The following TEX2 variants were observed in gnomAD, a reference collection of about 807,000 sequenced individuals.
TEX2 encodes the protein testis-expressed protein 2.
TEX2 carries 53 observed loss-of-function variants against 106.9 expected under a neutral mutation model. That is an observed-to-expected ratio of 0.50 (90% CI 0.40 to 0.62). TEX2 has a LOEUF of 0.62. Ranked by LOEUF, TEX2 falls within the 20% of genes least tolerant of loss-of-function variation. The pLI, the probability that TEX2 is intolerant of heterozygous loss-of-function variation, is 0.00. For synonymous variants in TEX2, 523 were observed against 534.8 expected (o/e 0.98, Z 0.30); for missense variants, 1,207 against 1,379.0 (o/e 0.88, Z 1.98).
chr17:64,172,453 G>A (rs1053379459), intron 6 of TEX2, among the ~76,000 whole-genome samples: 3 of 152,048 alleles, frequency 2.0e-5, no homozygotes, highest in African/African-American at 7.2e-5. Flanking sequence ...GTTGGTCTGC[G>A]TGAACTGTGC....
intron 1 of TEX2, among the ~76,000 whole-genome samples, chr17:64,255,126 A>G (rs1348281704): frequency 1.3e-5 from 2 of 151,114 alleles, no homozygotes; most frequent in African/African-American, 4.9e-5. Flanking sequence ...CGGTCTCCCA[A>G]AGTGCTGGGA....
At position 64,213,395 on chromosome 17, in the gene TEX2, G is replaced by A. The variant is rs782097534; in HGVS notation, c.823C>T (p.Arg275Cys). ...ATTTCGGGCACTTTAAAAAAGGAAC[G>A]AGTATCAGAGGGAGAAGTCAGTGGG... ...SSPLTSPSDTRSFFKVPEMEA... is the reference protein window; with the variant it reads ...SSPLTSPSDTCSFFKVPEMEA... Residue 275 changes from arginine (R) to cysteine (C), a missense_variant, in exon 2 of 12, where the codon CGT becomes TGT. Physicochemically the swap from Arg to Cys is radical, Grantham distance 180 (BLOSUM62 -3). Around this residue, in one of 3 missense-constraint regions of TEX2, gnomAD observed 1,067 missense variants for 1,193.6 expected, o/e 0.89. Coordinates refer to ENST00000584379, the MANE Select transcript of TEX2 (RefSeq NM_001288732.2). The surrounding 1 kb of genome is among the most constrained non-coding windows in gnomAD (Gnocchi z 4.4). 1.5e-5 allele frequency: 25 copies of A among 1,613,888 alleles called. No homozygotes were observed. Among genetic ancestry groups the A allele is most frequent in the African/African-American group, 9.3e-5 (7 of 74,902 alleles).
intron 1 of TEX2, among the ~76,000 whole-genome samples, chr17:64,237,566 G>C (rs1032696291): frequency 1.3e-5 from 2 of 152,144 alleles, no homozygotes; most frequent in East Asian, 1.9e-4. Context: ...ATGGCAGCCC[G>C]GACTAGCGGG....
intron 8 of TEX2, chr17:64,155,880 C>T (rs1334525096): frequency 6.6e-6 from 1 of 152,338 alleles, no homozygotes; most frequent in African/African-American, 2.4e-5. Context: ...GGCTTTGCTT[C>T]AGAAAGTACT....
At chr17:64,193,430 A>G in intron 4 of TEX2, 129 bp downstream of exon 4, 1 of 704,412 alleles carries the variant, frequency 1.4e-6, no homozygotes, top group East Asian at 2.9e-5. Context: ...GAGAATGCAC[A>G]TTAGGTGGCA....
intron 1 of TEX2, among the ~76,000 whole-genome samples, chr17:64,241,767 G>A (rs1345818011): frequency 6.6e-6 from 1 of 152,162 alleles, no homozygotes; most frequent in African/African-American, 2.4e-5. Context: ...TGAGTAGCTA[G>A]GACTACAGGC....
chr17:64,172,339 C>A (rs556040781), intron 6 of TEX2, among the ~76,000 whole-genome samples: 46 of 134,994 alleles, frequency 3.4e-4, no homozygotes, highest in African/African-American at 1.2e-3. Flanking sequence ...GGTGACAGAG[C>A]GAGAATCCGT....
chr17:64,237,849 G>A (rs1181609532), intron 1 of TEX2, among the ~76,000 whole-genome samples: 1 of 152,130 alleles, frequency 6.6e-6, no homozygotes, highest in African/African-American at 2.4e-5. Flanking sequence ...TTCTGGTTCA[G>A]TAACTGATAC....
chr17:64,223,790 A>G (rs1421704989), intron 1 of TEX2, among the ~76,000 whole-genome samples: 1 of 142,016 alleles, frequency 7.0e-6, no homozygotes, highest in Non-Finnish European at 1.5e-5. Flanking sequence ...ATCTAGGCTC[A>G]CTGCAACCTC....
At chr17:64,154,183 G>A (rs751682218) in intron 9 of TEX2, among the ~76,000 whole-genome samples, 2 of 152,156 alleles carry the variant, frequency 1.3e-5, no homozygotes, top group Non-Finnish European at 2.9e-5. Flanking sequence ...TCAAACATCT[G>A]AATTCTCATC....
At chr17:64,243,720 T>G (rs2033933914) in intron 1 of TEX2, among the ~76,000 whole-genome samples, 2 of 152,154 alleles carry the variant, frequency 1.3e-5, no homozygotes, top group African/African-American at 2.4e-5. Context: ...TTTTGGTCTG[T>G]GTGTACATGT....
Position 64,214,126 on chromosome 17 carries a change from C to A in TEX2, c.92G>T (p.Arg31Leu). Residue 31 changes from arginine to leucine, a missense_variant, in exon 2 of 12, where the codon CGA (arginine) becomes CTA (leucine). Coordinates refer to ENST00000584379, the MANE Select transcript of TEX2 (RefSeq NM_001288732.2). ...CGAGAAGTGAATGGCGATGGTATCT[C>A]GGGACACGGACCTCTGCACGTGCAC... ...PKVHVQRSVSRDTIAIHFSAS... is the reference protein window; with the variant it reads ...PKVHVQRSVSLDTIAIHFSAS... 6.2e-7 allele frequency: 1 copy of A among 1,614,134 alleles called. No homozygotes were observed. The highest frequency in any genetic ancestry group is 8.5e-7 in the Non-Finnish European group (1 of 1,180,032).
intron 11 of TEX2, 84 bp downstream of exon 11, chr17:64,150,757 C>T: frequency 6.8e-7 from 1 of 1,460,062 alleles, no homozygotes; most frequent in Non-Finnish European, 9.2e-7. Flanking sequence ...AAAGAGGATC[C>T]TGACCCAGCT....
rs1555632195 is a variant in TEX2 at position 64,213,921 on chromosome 17, G to A, written c.297C>T (p.Ser99=). 10 of 1,614,090 alleles carry A rather than the reference G, an allele frequency of 6.2e-6. No homozygotes were observed. Among genetic ancestry groups the A allele is most frequent in the Admixed American group, 1.7e-5 (1 of 60,006 alleles). Reference sequence around the variant, plus strand: ...GCAAAATGGCAGGGGCCTGGGACACGGACAGTCCATCTGCCAGGACAGGCG... The same window carrying A: ...GCAAAATGGCAGGGGCCTGGGACACAGACAGTCCATCTGCCAGGACAGGCG... ...AASPVLADGL[S]VSQAPAILPV... The change falls in exon 2 of 12, where the codon TCC becomes TCT. Residue 99 remains serine (S), a synonymous_variant. Transcript: ENST00000584379. This position sits in a 1 kb window ranked among gnomAD's most constrained non-coding sequence, Gnocchi z 4.4.
Position 64,255,028 on chromosome 17 carries a change from C to CTTTT in TEX2, c.-26+8136_-26+8139dup, listed in dbSNP as rs566755382. ...TACAGGTGTGTGTCACTGCATCTGGCTTTTTTTTTTTTTTTTTTGTAGAGG... is the reference window on the plus strand; with the variant it reads ...TACAGGTGTGTGTCACTGCATCTGGCTTTTTTTTTTTTTTTTTTTTTTGTAGAGG... On this transcript the variant is annotated intron_variant, in intron 1 of 11. Coordinates refer to ENST00000584379, the MANE Select transcript of TEX2 (RefSeq NM_001288732.2). 2.0e-3 allele frequency among the ~76,000 whole-genome samples: 265 copies of CTTTT among 132,474 alleles called. 6 individuals are homozygous for CTTTT. The highest frequency in any genetic ancestry group is 6.3e-3 in the African/African-American group (227 of 35,976). 86.9% of individuals were successfully genotyped at this position (132,474 alleles called of 152,430 possible).
intron 6 of TEX2, among the ~76,000 whole-genome samples, chr17:64,173,834 T>G (rs2031511727): frequency 6.6e-6 from 1 of 151,990 alleles, no homozygotes; most frequent in South Asian, 2.1e-4. Flanking sequence ...TACTGTCACC[T>G]CCAATGGTGT....
intron 5 of TEX2, among the ~76,000 whole-genome samples, chr17:64,183,820 G>A (rs1015232231): frequency 6.6e-6 from 1 of 152,144 alleles, no homozygotes; most frequent in Admixed American, 6.5e-5. Context: ...TGGTAGAGAT[G>A]GAGTTTTGTC....
chr17:64,172,174 G>A (rs1245360182), intron 6 of TEX2, among the ~76,000 whole-genome samples: 2 of 151,806 alleles, frequency 1.3e-5, no homozygotes, highest in African/African-American at 4.8e-5. Context: ...CTAACACGGT[G>A]AAACCCGTCT....
intron 8 of TEX2, among the ~76,000 whole-genome samples, chr17:64,158,600 C>T (rs946119128): frequency 2.6e-5 from 4 of 152,166 alleles, no homozygotes; most frequent in East Asian, 1.9e-4. Context: ...GTGGTGATTC[C>T]GTAAACCTCA....
Sources: allele counts gnomAD v4.1 joint callset (sites outside exome capture counted in the v4.1 genomes callset), GRCh38; gene constraint gnomAD v4.1.1; regional missense constraint gnomAD v4.1.1; non-coding constraint Gnocchi (gnomAD v3.1); transcripts MANE v1.5; gene names NCBI Gene and HGNC (gene_info 2026-07-23, HGNC 2026-07-21).